Variants in PCSK5 observed in about 807,000 individuals in gnomAD.
The protein encoded by PCSK5 is prohormone convertase 5.
PCSK5 carries 129 observed loss-of-function variants against 233.2 expected under a neutral mutation model. The ratio of observed to expected loss-of-function variants is 0.55; its 90% CI spans 0.48 to 0.64. PCSK5 has a LOEUF of 0.64. Among genes scored for constraint, PCSK5 ranks in the 30% least tolerant of loss-of-function variants. PCSK5 has a pLI of 0.00. For missense variants in PCSK5, 2,076 were observed against 2,430.1 expected, an observed-to-expected ratio of 0.85 and a Z score of 3.06; for synonymous variants, 825 against 879.2, an observed-to-expected ratio of 0.94 and a Z score of 1.09.
At chr9:75,975,344 T>C (rs1016582614) in intron 2 of PCSK5, among the ~76,000 whole-genome samples, 10 of 152,006 alleles carry the variant, frequency 6.6e-5, no homozygotes, top group Admixed American at 2.6e-4. Context: ...CATAGAAATA[T>C]AGCTTTCATG....
Position 75,986,112 on chromosome 9 carries a change from C to G in PCSK5, c.298-20C>G, listed in dbSNP as rs776064920. On this transcript the variant is annotated intron_variant, in intron 2 of 37. Transcript: ENST00000674117. ...AACCCTGATGGAACGTGAATACTCA[C>G]CAAATGTCCTTCTTGACAGGTGGAA... is the stretch of plus-strand genomic sequence containing the variant. 7.0e-7 allele frequency: 1 copy of G among 1,420,848 alleles called. No homozygotes were observed. Among genetic ancestry groups the G allele is most frequent in the South Asian group, 1.1e-5 (1 of 87,140 alleles). 88.0% of individuals were successfully genotyped at this position (1,420,848 alleles called of 1,614,324 possible).
At chr9:76,237,258 A>G (rs1826279591) in intron 22 of PCSK5, among the ~76,000 whole-genome samples, 1 of 152,178 alleles carries the variant, frequency 6.6e-6, no homozygotes, top group Admixed American at 6.5e-5. Context: ...CTATAGAATC[A>G]CCAAATGCAC....
intron 17 of PCSK5, 79 bp from the exon 18 acceptor site, chr9:76,188,499 A>T: frequency 2.3e-6 from 2 of 851,978 alleles, no homozygotes; most frequent in Non-Finnish European, 4.0e-6. Context: ...TGTATCTGTT[A>T]CATATGGAGT....
chr9:75,994,400 CTTTTTTTTTTTTTTT>C (rs550518074), intron 3 of PCSK5, among the ~76,000 whole-genome samples: 6 of 82,040 alleles, frequency 7.3e-5, no homozygotes, highest in East Asian at 6.0e-4. Context: ...TTCTTTCTTT[CTTTTTTTTTTTTTTT>C]TTTTTTTTTT....
At chr9:75,909,051 G>A (rs1307031039) in intron 1 of PCSK5, among the ~76,000 whole-genome samples, 1 of 151,954 alleles carries the variant, frequency 6.6e-6, no homozygotes, top group East Asian at 1.9e-4. Context: ...TGGGCCGGGT[G>A]CAGTGGCTCA....
intron 20 of PCSK5, among the ~76,000 whole-genome samples, chr9:76,223,112 C>A (rs1825782621): frequency 6.6e-6 from 1 of 152,182 alleles, no homozygotes; most frequent in African/African-American, 2.4e-5. Flanking sequence ...CAACTGAATT[C>A]TCATCAAATT....
intron 20 of PCSK5, among the ~76,000 whole-genome samples, chr9:76,199,864 A>G (rs1481413945): frequency 6.6e-6 from 1 of 152,136 alleles, no homozygotes; most frequent in Admixed American, 6.6e-5. Context: ...GCTGTCTAAT[A>G]GGCATCTCAA....
At chr9:76,228,498 C>T (rs893760551) in intron 21 of PCSK5, among the ~76,000 whole-genome samples, 15 of 152,146 alleles carry the variant, frequency 9.9e-5, no homozygotes, top group African/African-American at 3.4e-4. Flanking sequence ...TACCACAGTT[C>T]GGGGATAATA....
At chr9:75,929,986 C>T (rs1010379352) in intron 1 of PCSK5, among the ~76,000 whole-genome samples, 1 of 152,020 alleles carries the variant, frequency 6.6e-6, no homozygotes, top group African/African-American at 2.4e-5. Context: ...CCTCAGCCTC[C>T]TGAGTAGCTG....
intron 20 of PCSK5, among the ~76,000 whole-genome samples, chr9:76,220,321 G>A (rs1373100326): frequency 6.6e-6 from 1 of 152,078 alleles, no homozygotes; most frequent in Non-Finnish European, 1.5e-5. Context: ...GAGGTCAGGA[G>A]TTCAAGACCA....
chr9:76,031,338 G>A (rs1828645409), intron 5 of PCSK5, among the ~76,000 whole-genome samples: 1 of 152,070 alleles, frequency 6.6e-6, no homozygotes, highest in Non-Finnish European at 1.5e-5. Flanking sequence ...ATGGTCTTTT[G>A]AGCTAACAAC....
At chr9:76,027,094 C>G (rs1828458132) in intron 5 of PCSK5, 57 bp downstream of exon 5, 2 of 1,087,568 alleles carry the variant, frequency 1.8e-6, no homozygotes, top group Middle Eastern at 2.0e-4. Flanking sequence ...TTGTTTTCTG[C>G]TCATACTGAG....
At chr9:76,336,512 T>C (rs1432157253) in intron 34 of PCSK5, among the ~76,000 whole-genome samples, 1 of 152,238 alleles carries the variant, frequency 6.6e-6, no homozygotes, top group African/African-American at 2.4e-5. Flanking sequence ...CTTCAATTAA[T>C]GCACTATTTT....
rs1280878218 is a variant in PCSK5 at position 76,337,543 on chromosome 9, G to C, written c.4749-687G>C. Among the ~76,000 whole-genome samples, 4 of 151,902 alleles carry C rather than the reference G, an allele frequency of 2.6e-5. No individual in the cohort carries two copies. In the South Asian group the frequency reaches 8.3e-4, roughly 32 times the overall value. ...GGATGGAGTGCAGTGGCATGATCTC[G>C]GCTCACTGCAACCTCCACCACCCAG... On this transcript the variant is annotated intron_variant, in intron 34 of 37. Coordinates refer to ENST00000674117, the MANE Select transcript of PCSK5 (RefSeq NM_001372043.1).
At position 76,359,103 on chromosome 9, in the gene PCSK5, A is replaced by G. The variant is rs1001296427; in HGVS notation, c.*181A>G. The G allele has an allele frequency of 6.4e-4, 375 of 589,878 alleles. 1 individual carries two copies. The highest frequency in any genetic ancestry group is 1.5e-4 in the Non-Finnish European group (51 of 333,076). The allele number at this position is 589,878 out of a possible 1,614,324, so 36.5% of individuals were successfully genotyped here. Reference sequence around the variant, plus strand: ...TACTTTGTTCTTCTTTTGAGTGGCTAAACTCAATTAACAGTTCCTGTTCAA... The same window carrying G: ...TACTTTGTTCTTCTTTTGAGTGGCTGAACTCAATTAACAGTTCCTGTTCAA... On this transcript the variant is annotated 3_prime_UTR_variant, in exon 38 of 38. Coordinates refer to ENST00000674117, the MANE Select transcript of PCSK5 (RefSeq NM_001372043.1).
At chr9:76,088,517 C>G (rs116162605) in intron 7 of PCSK5, among the ~76,000 whole-genome samples, 2,378 of 152,286 alleles carry the variant, frequency 0.016, 52 homozygotes, top group South Asian at 0.068. Flanking sequence ...AACCTGGATA[C>G]TCTCTACATT....
At chr9:76,199,647 G>A (rs113843477) in intron 20 of PCSK5, among the ~76,000 whole-genome samples, 2,675 of 152,124 alleles carry the variant, frequency 0.018, 33 homozygotes, top group Middle Eastern at 0.031. Context: ...GGCAGCGTAC[G>A]GGACTGCAAT....
At chr9:75,956,114 C>G (rs1183777312) in intron 2 of PCSK5, among the ~76,000 whole-genome samples, 3 of 152,198 alleles carry the variant, frequency 2.0e-5, no homozygotes, top group Admixed American at 2.0e-4. Flanking sequence ...TCTCTGCAAA[C>G]AAATTTTATA....
chr9:76,195,387 T>C (rs1188154686), intron 20 of PCSK5: 1 of 152,168 alleles, frequency 6.6e-6, no homozygotes, highest in Non-Finnish European at 1.5e-5. Context: ...ATGATGTCTG[T>C]TTTTGTAGAC....
Sources: gnomAD v4.1 joint callset for allele counts (sites outside exome capture counted in the v4.1 genomes callset) on GRCh38, gnomAD v4.1.1 for gene constraint, MANE v1.5 for transcripts, NCBI Gene and HGNC (gene_info 2026-07-23, HGNC 2026-07-21) for gene names.